The following PARD3B variants were observed in gnomAD, a reference collection of about 807,000 sequenced individuals.
The protein encoded by PARD3B is partitioning defective 3 homolog B.
Under a neutral mutation model 130.2 loss-of-function variants are expected in PARD3B, and 103 were observed. The observed-to-expected ratio is 0.79, with a 90% CI of 0.67 to 0.93. PARD3B has a LOEUF of 0.93. Among genes scored for constraint, PARD3B ranks in the 40% least tolerant of loss-of-function variants. The pLI is 0.00. For missense variants in PARD3B, 1,609 were observed against 1,499.2 expected (o/e 1.07, Z -1.21); for synonymous variants, 583 against 553.2 (o/e 1.05, Z -0.76).
At chr2:204,628,772 G>T (rs946893651) in intron 1 of PARD3B, among the ~76,000 whole-genome samples, 1 of 152,118 alleles carries the variant, frequency 6.6e-6, no homozygotes, top group Non-Finnish European at 1.5e-5. Flanking sequence ...TTAAAAGTTT[G>T]TGCATTGGTA....
At chr2:204,923,056 A>G (rs2047745303) in intron 2 of PARD3B, among the ~76,000 whole-genome samples, 1 of 152,058 alleles carries the variant, frequency 6.6e-6, no homozygotes, top group Non-Finnish European at 1.5e-5. Flanking sequence ...GCTACCTCTG[A>G]CTGCTTTGTG....
intron 18 of PARD3B, among the ~76,000 whole-genome samples, chr2:205,372,028 A>C (rs1272084067): frequency 6.6e-6 from 1 of 152,236 alleles, no homozygotes; most frequent in Non-Finnish European, 1.5e-5. Context: ...TATTGTGTGC[A>C]TAAATACCAC....
intron 22 of PARD3B, among the ~76,000 whole-genome samples, chr2:205,554,123 G>C (rs1269776614): frequency 1.3e-5 from 2 of 152,210 alleles, no homozygotes; most frequent in African/African-American, 4.8e-5. Context: ...TACGATTGGA[G>C]TTAGGTGAGG....
chr2:205,474,293 T>C (rs2106267741), intron 20 of PARD3B, among the ~76,000 whole-genome samples: 1 of 152,248 alleles, frequency 6.6e-6, no homozygotes, highest in Middle Eastern at 3.4e-3. Flanking sequence ...TTTAATTGGC[T>C]ATTATTAACT....
chr2:204,546,259 A>G (rs1027753258), intron 1 of PARD3B, 140 bp downstream of exon 1: 134 of 1,229,842 alleles, frequency 1.1e-4, no homozygotes, highest in Non-Finnish European at 1.4e-4. Flanking sequence ...GTCTATTGCT[A>G]ATATCAGTGA....
intron 4 of PARD3B, among the ~76,000 whole-genome samples, chr2:205,055,540 G>C (rs4673312): frequency 0.99 from 150,036 of 152,276 alleles, 73,937 homozygotes; most frequent in Middle Eastern, 1. Context: ...GATCCTGTGT[G>C]TGATTGCATC....
intron 1 of PARD3B, among the ~76,000 whole-genome samples, chr2:204,638,469 G>A (rs1158397508): frequency 1.3e-5 from 2 of 152,286 alleles, no homozygotes; most frequent in South Asian, 2.1e-4. Flanking sequence ...CACACATTGT[G>A]TATTACTGAT....
intron 15 of PARD3B, among the ~76,000 whole-genome samples, chr2:205,234,622 A>G (rs116410138): frequency 0.014 from 2,203 of 152,310 alleles, 55 homozygotes; most frequent in African/African-American, 0.05. Flanking sequence ...CTCAATAATT[A>G]ATAGAACAAG....
intron 19 of PARD3B, among the ~76,000 whole-genome samples, chr2:205,437,704 A>T (rs1159331455): frequency 6.6e-6 from 1 of 152,178 alleles, no homozygotes; most frequent in African/African-American, 2.4e-5. Context: ...ATAAAAGAGG[A>T]TACCCAAGAG....
At chr2:204,944,962 G>A (rs1689196113) in intron 2 of PARD3B, among the ~76,000 whole-genome samples, 2 of 152,188 alleles carry the variant, frequency 1.3e-5, no homozygotes, top group Admixed American at 1.3e-4. Context: ...AATTCCAAGT[G>A]CCCAAACTGT....
intron 10 of PARD3B, among the ~76,000 whole-genome samples, chr2:205,134,355 T>C (rs1461342487): frequency 4.7e-4 from 44 of 92,834 alleles, no homozygotes; most frequent in Non-Finnish European, 5.7e-4. Context: ...AAACCCCATC[T>C]CTACAAAAAA....
intron 4 of PARD3B, among the ~76,000 whole-genome samples, chr2:205,049,106 C>A (rs1044707917): frequency 1.3e-5 from 2 of 152,050 alleles, no homozygotes; most frequent in Non-Finnish European, 2.9e-5. Context: ...GTCTGTGTAC[C>A]CTAAAACGAG....
intron 16 of PARD3B, among the ~76,000 whole-genome samples, chr2:205,249,690 C>G (rs947762376): frequency 7.2e-5 from 11 of 152,070 alleles, no homozygotes; most frequent in African/African-American, 2.7e-4. Context: ...ATTACCTTGG[C>G]AAGGAAGATA....
intron 3 of PARD3B, among the ~76,000 whole-genome samples, chr2:204,988,237 C>G (rs1446580256): frequency 2.6e-5 from 4 of 152,178 alleles, no homozygotes; most frequent in Non-Finnish European, 4.4e-5. Flanking sequence ...TATTGAAATC[C>G]TACATGAAGA....
intron 16 of PARD3B, among the ~76,000 whole-genome samples, chr2:205,257,813 A>G (rs1248589511): frequency 3.9e-5 from 6 of 152,206 alleles, no homozygotes; most frequent in Non-Finnish European, 2.9e-5. Flanking sequence ...AGCTTCTATC[A>G]GCATTTCCAT....
intron 1 of PARD3B, among the ~76,000 whole-genome samples, chr2:204,617,192 A>C (rs7568847): frequency 0.66 from 100,993 of 151,940 alleles, 35,454 homozygotes; most frequent in Non-Finnish European, 0.78. Flanking sequence ...TCTGGGGTAA[A>C]TTTATACAGG....
intron 4 of PARD3B, among the ~76,000 whole-genome samples, chr2:205,067,780 T>A (rs1482457061): frequency 6.6e-6 from 1 of 152,212 alleles, no homozygotes; most frequent in Non-Finnish European, 1.5e-5. Context: ...CTATTTTTTC[T>A]TTTATCACTG....
chr2:204,631,782 T>C lies in PARD3B; in HGVS notation c.121-54399T>C, dbSNP rs146763893. Reference sequence around the variant, plus strand: ...TATTTAATGCTTCCTTCAGGAATCATGTAAGGCAGATCTGGTGGTAACAAA... The same window carrying C: ...TATTTAATGCTTCCTTCAGGAATCACGTAAGGCAGATCTGGTGGTAACAAA... On this transcript the variant is annotated intron_variant, in intron 1 of 22. Coordinates refer to ENST00000406610, the MANE Select transcript of PARD3B (RefSeq NM_001302769.2). Among the ~76,000 whole-genome samples the C allele has an allele frequency of 8.8e-3, 1,333 of 152,290 alleles. 18 individuals carry two copies. The highest frequency in any genetic ancestry group is 0.031 in the African/African-American group (1,273 of 41,558).
chr2:205,177,230 G>T (rs1365955628), intron 13 of PARD3B, among the ~76,000 whole-genome samples: 2 of 151,852 alleles, frequency 1.3e-5, no homozygotes, highest in African/African-American at 4.8e-5. Context: ...TTAATAAAAT[G>T]AATTTTTTAT....
Sources: allele counts gnomAD v4.1 joint callset (sites outside exome capture counted in the v4.1 genomes callset), GRCh38; gene constraint gnomAD v4.1.1; transcripts MANE v1.5; gene names NCBI Gene and HGNC (gene_info 2026-07-23, HGNC 2026-07-21).